Variants in ANKS1B observed in about 807,000 individuals in gnomAD.
ANKS1B encodes ankyrin repeat and sterile alpha motif domain-containing protein 1B.
A neutral mutation model predicts 148.3 loss-of-function variants in ANKS1B; 36 were observed. The observed-to-expected ratio is 0.24, with a 90% CI of 0.19 to 0.32. The LOEUF is 0.32. ANKS1B is among the 10% of genes least tolerant of loss of function. The probability of loss-of-function intolerance (pLI) is 1.00; values close to 1 mark genes in which losing one functional copy is unlikely to be tolerated. For synonymous variants in ANKS1B, 542 were observed against 560.8 expected, an observed-to-expected ratio of 0.97 and a Z score of 0.47; for missense variants, 1,157 against 1,542.6, an observed-to-expected ratio of 0.75 and a Z score of 4.19.
At chr12:99,113,176 G>GT (rs937783070) in intron 15 of ANKS1B, among the ~76,000 whole-genome samples, 1 of 151,848 alleles carries the variant, frequency 6.6e-6, no homozygotes, top group Admixed American at 6.6e-5. Flanking sequence ...CTGCATCTTC[G>GT]TTTTTTTTCT....
intron 9 of ANKS1B, among the ~76,000 whole-genome samples, chr12:99,509,238 T>G (rs1751637453): frequency 6.6e-6 from 1 of 151,822 alleles, no homozygotes; most frequent in African/African-American, 2.4e-5. Flanking sequence ...AACCCTTCAA[T>G]GGCCTCTAAG....
At chr12:99,098,761 CCCCCCCCCA>C (rs1167865493) in intron 15 of ANKS1B, among the ~76,000 whole-genome samples, 8 of 143,796 alleles carry the variant, frequency 5.6e-5, no homozygotes, top group African/African-American at 2.2e-4. Context: ...ATTCAGGGTT[CCCCCCCCCA>C]CCCCCAGCTC....
At chr12:99,153,833 T>C (rs905962712) in intron 15 of ANKS1B, among the ~76,000 whole-genome samples, 1 of 152,140 alleles carries the variant, frequency 6.6e-6, no homozygotes, top group Non-Finnish European at 1.5e-5. Context: ...TATTGAACAA[T>C]TATCAGGAAA....
intron 25 of ANKS1B, among the ~76,000 whole-genome samples, chr12:98,766,125 T>G (rs574935617): frequency 6.6e-6 from 1 of 152,348 alleles, no homozygotes; most frequent in South Asian, 2.1e-4. Flanking sequence ...CTGAAAACTT[T>G]GTCTCCCCAC....
At chr12:98,923,874 T>C (rs550747834) in intron 17 of ANKS1B, among the ~76,000 whole-genome samples, 2 of 152,338 alleles carry the variant, frequency 1.3e-5, no homozygotes, top group African/African-American at 4.8e-5. Flanking sequence ...TGTCCTCTAA[T>C]GCCTCCCTTC....
At chr12:99,717,395 C>T (rs2057467155) in intron 8 of ANKS1B, among the ~76,000 whole-genome samples, 1 of 152,222 alleles carries the variant, frequency 6.6e-6, no homozygotes, top group Non-Finnish European at 1.5e-5. Context: ...CATACAAGAA[C>T]TTCCAAACGC....
intron 10 of ANKS1B, among the ~76,000 whole-genome samples, chr12:99,466,448 C>A (rs1346069059): frequency 1.3e-5 from 2 of 151,714 alleles, no homozygotes; most frequent in African/African-American, 4.9e-5. Context: ...CAGAGCAGAA[C>A]TGAAGGAAAT....
chr12:99,502,741 C>T (rs2096667915), intron 10 of ANKS1B, among the ~76,000 whole-genome samples: 1 of 152,126 alleles, frequency 6.6e-6, no homozygotes, highest in Non-Finnish European at 1.5e-5. Context: ...GCATATAAAG[C>T]ACTTAGAACA....
At chr12:99,865,586 A>C (rs1202724498) in intron 1 of ANKS1B, among the ~76,000 whole-genome samples, 1 of 152,216 alleles carries the variant, frequency 6.6e-6, no homozygotes, top group African/African-American at 2.4e-5. Flanking sequence ...AATTGCTGGA[A>C]ATTTGTTTAC....
At chr12:98,914,545 A>G (rs562208218) in intron 17 of ANKS1B, among the ~76,000 whole-genome samples, 82 of 151,984 alleles carry the variant, frequency 5.4e-4, no homozygotes, top group South Asian at 4.2e-3. Flanking sequence ...TTGATATTCT[A>G]CCTTCCTTCC....
At chr12:98,806,756 G>T (rs1376512179) in intron 20 of ANKS1B, among the ~76,000 whole-genome samples, 1 of 152,200 alleles carries the variant, frequency 6.6e-6, no homozygotes, top group African/African-American at 2.4e-5. Context: ...TTGATCAAAT[G>T]CAGTTGGTTA....
chr12:99,198,076 T>A (rs1052422280), intron 14 of ANKS1B, among the ~76,000 whole-genome samples: 3 of 152,054 alleles, frequency 2.0e-5, no homozygotes, highest in African/African-American at 4.8e-5. Flanking sequence ...ATAACTCAGG[T>A]TTCACTCCTT....
intron 25 of ANKS1B, among the ~76,000 whole-genome samples, chr12:98,764,752 C>T (rs2098458507): frequency 1.3e-5 from 2 of 152,222 alleles, no homozygotes; most frequent in Non-Finnish European, 1.5e-5. Flanking sequence ...TGCCTCCAAA[C>T]CGACCACGTG....
intron 14 of ANKS1B, among the ~76,000 whole-genome samples, chr12:99,197,659 C>T (rs937859000): frequency 1.3e-5 from 2 of 152,116 alleles, no homozygotes. Flanking sequence ...AAAAGAACTC[C>T]ATCCACCATT....
At chr12:98,802,063 T>C (rs962758637) in intron 20 of ANKS1B, among the ~76,000 whole-genome samples, 1 of 152,296 alleles carries the variant, frequency 6.6e-6, no homozygotes, top group African/African-American at 2.4e-5. Context: ...AGATTTGGAT[T>C]TTTCCAAAAC....
chr12:98,969,635 A>C (rs187635353), intron 17 of ANKS1B, among the ~76,000 whole-genome samples: 3 of 152,306 alleles, frequency 2.0e-5, no homozygotes, highest in African/African-American at 7.2e-5. Context: ...ACATGGGATT[A>C]TTATTTTAAA....
chr12:99,151,941 G>T, intron 15 of ANKS1B, among the ~76,000 whole-genome samples: 1 of 152,168 alleles, frequency 6.6e-6, no homozygotes, highest in East Asian at 1.9e-4. Context: ...GGAGTGTGGT[G>T]CTTGTTGCTT....
intron 25 of ANKS1B, among the ~76,000 whole-genome samples, chr12:98,762,246 A>T (rs1369044308): frequency 6.6e-6 from 1 of 152,156 alleles, no homozygotes; most frequent in Non-Finnish European, 1.5e-5. Flanking sequence ...TACAGCACCT[A>T]TTGCCACTGA....
chr12:99,671,627 T>C (rs538155399), intron 8 of ANKS1B, among the ~76,000 whole-genome samples: 2 of 152,242 alleles, frequency 1.3e-5, no homozygotes, highest in Admixed American at 6.5e-5. Context: ...AAATGTATAT[T>C]AACTAAGTCA....
Sources: allele counts gnomAD v4.1 joint callset (sites outside exome capture counted in the v4.1 genomes callset), GRCh38; gene constraint gnomAD v4.1.1; transcripts MANE v1.5; gene names NCBI Gene and HGNC (gene_info 2026-07-23, HGNC 2026-07-21).